ANKS1B: variants seen among roughly 807,000 people sequenced by gnomAD.
ANKS1B encodes ankyrin repeat and sterile alpha motif domain-containing protein 1B.
ANKS1B carries 36 observed loss-of-function variants against 148.3 expected under a neutral mutation model. The ratio of observed to expected loss-of-function variants is 0.24; its 90% CI spans 0.19 to 0.32. The LOEUF (loss-of-function observed/expected upper bound fraction) is 0.32. Among genes scored for constraint, ANKS1B ranks in the 10% least tolerant of loss-of-function variants. The probability of loss-of-function intolerance (pLI) is 1.00; values close to 1 mark genes in which losing one functional copy is unlikely to be tolerated. For synonymous variants in ANKS1B, 542 were observed against 560.8 expected (o/e 0.97, Z 0.47); for missense variants, 1,157 against 1,542.6 (o/e 0.75, Z 4.19).
intron 9 of ANKS1B, among the ~76,000 whole-genome samples, chr12:99,594,119 G>C (rs114699733): frequency 0.015 from 2,317 of 152,006 alleles, 51 homozygotes; most frequent in African/African-American, 0.053. Context: ...CTGCCTCATA[G>C]GGTTGTTATA....
At chr12:99,496,235 A>C (rs574456172) in intron 10 of ANKS1B, among the ~76,000 whole-genome samples, 71 of 152,236 alleles carry the variant, frequency 4.7e-4, no homozygotes, top group Non-Finnish European at 9.1e-4. Context: ...CTTAAAATGG[A>C]AAAATTCCCC....
intron 11 of ANKS1B, among the ~76,000 whole-genome samples, chr12:99,426,009 A>T (rs377069424): frequency 6.6e-6 from 1 of 152,192 alleles, no homozygotes; most frequent in Admixed American, 6.5e-5. Context: ...AAATATTGAC[A>T]GTGTGTGTCT....
chr12:99,362,537 G>A (rs2092544581), intron 12 of ANKS1B, among the ~76,000 whole-genome samples: 1 of 151,934 alleles, frequency 6.6e-6, no homozygotes, highest in Non-Finnish European at 1.5e-5. Flanking sequence ...CAGGTCATAA[G>A]CTTAATTTGA....
rs369020857 is a variant in ANKS1B, at chr12:99,513,944, T to C, written c.1273-9303A>G. Among the ~76,000 whole-genome samples the C allele has an allele frequency of 1.9e-3, 290 of 152,164 alleles. No homozygotes were observed. The Middle Eastern group carries it at 0.034, about 18-fold the overall frequency. On this transcript the variant is annotated intron_variant, in intron 9 of 26. Transcript: ENST00000683438. ...ATTTGATGAGAGAATCATAAAATGC[T>C]AGTCATAGAACACGTTGATTCTTTT... is the stretch of plus-strand genomic sequence containing the variant.
intron 12 of ANKS1B, among the ~76,000 whole-genome samples, chr12:99,398,548 G>A (rs1281030675): frequency 6.6e-6 from 1 of 152,108 alleles, no homozygotes; most frequent in African/African-American, 2.4e-5. Context: ...TATGAATTAG[G>A]TCATTCTTGT....
chr12:98,889,330 G>A (rs2099747060), intron 17 of ANKS1B, among the ~76,000 whole-genome samples: 1 of 151,562 alleles, frequency 6.6e-6, no homozygotes, highest in Non-Finnish European at 1.5e-5. Context: ...TATTCTGAAG[G>A]GAACGTCAGA....
intron 9 of ANKS1B, among the ~76,000 whole-genome samples, chr12:99,608,381 T>TTTG (rs1191563559): frequency 6.6e-6 from 1 of 152,116 alleles, no homozygotes; most frequent in Non-Finnish European, 1.5e-5. Context: ...CACCTGAGGC[T>TTTG]TCTCTTATGT....
chr12:99,316,705 T>C (rs1011118955), intron 12 of ANKS1B, among the ~76,000 whole-genome samples: 1 of 152,198 alleles, frequency 6.6e-6, no homozygotes, highest in Admixed American at 6.5e-5. Flanking sequence ...TGGCTTTTGT[T>C]GCCATTGCTT....
intron 15 of ANKS1B, among the ~76,000 whole-genome samples, chr12:99,148,610 A>G (rs1006742817): frequency 1.4e-4 from 22 of 152,156 alleles, no homozygotes; most frequent in African/African-American, 5.1e-4. Context: ...AACAATTGGA[A>G]AGAACATTTC....
intron 17 of ANKS1B, chr12:98,894,594 G>A (rs1184447339): frequency 2.0e-6 from 2 of 985,254 alleles, no homozygotes; most frequent in Non-Finnish European, 1.2e-6. Context: ...GCGAGCGGGG[G>A]CCGCGGAGCG....
intron 11 of ANKS1B, among the ~76,000 whole-genome samples, chr12:99,423,555 T>C (rs1304490691): frequency 6.6e-6 from 1 of 152,182 alleles, no homozygotes; most frequent in African/African-American, 2.4e-5. Context: ...TGCAGCACTA[T>C]TCACCATAAC....
chr12:99,673,368 C>T (rs929506360), intron 8 of ANKS1B, among the ~76,000 whole-genome samples: 1 of 152,034 alleles, frequency 6.6e-6, no homozygotes, highest in East Asian at 1.9e-4. Flanking sequence ...TAGAAACTGA[C>T]TCTGTTAAGT....
chr12:98,923,723 C>T (rs1461335282), intron 17 of ANKS1B, among the ~76,000 whole-genome samples: 1 of 152,162 alleles, frequency 6.6e-6, no homozygotes, highest in Non-Finnish European at 1.5e-5. Flanking sequence ...GAATTCTCCA[C>T]CTAACTTTGA....
chr12:99,057,483 T>C (rs1229297560), intron 16 of ANKS1B, among the ~76,000 whole-genome samples: 1 of 152,230 alleles, frequency 6.6e-6, no homozygotes, highest in Admixed American at 6.5e-5. Flanking sequence ...TTCTTTATCT[T>C]GTTTTAGAAA....
intron 9 of ANKS1B, among the ~76,000 whole-genome samples, chr12:99,544,763 G>T (rs2097157497): frequency 6.6e-6 from 1 of 152,110 alleles, no homozygotes; most frequent in African/African-American, 2.4e-5. Flanking sequence ...ATATAGGTCT[G>T]AGACTCACCT....
chr12:99,773,376 A>G (rs1205787640), intron 7 of ANKS1B, among the ~76,000 whole-genome samples: 1 of 152,178 alleles, frequency 6.6e-6, no homozygotes, highest in Non-Finnish European at 1.5e-5. Context: ...CAATTCCCAA[A>G]GCTTCACTTA....
chr12:98,829,145 A>T lies in ANKS1B; in HGVS notation c.3066+29T>A. ...AAAGGCATTACCTGATATGGTTGAAAAATATCACAAAGGCTTATAACACCT... is the reference window on the plus strand; with the variant it reads ...AAAGGCATTACCTGATATGGTTGAATAATATCACAAAGGCTTATAACACCT... On this transcript the variant is annotated intron_variant, in intron 19 of 26. Transcript: ENST00000683438. The surrounding 1 kb of genome is among the most constrained non-coding windows in gnomAD (Gnocchi z 5.2). 1 of 1,613,458 alleles carries T rather than the reference A, an allele frequency of 6.2e-7. No individual in the cohort carries two copies. The highest frequency in any genetic ancestry group is 8.5e-7 in the Non-Finnish European group (1 of 1,179,550).
At chr12:99,780,345 G>A (rs928819515) in intron 5 of ANKS1B, among the ~76,000 whole-genome samples, 4 of 151,772 alleles carry the variant, frequency 2.6e-5, no homozygotes, top group Admixed American at 6.6e-5. Context: ...GCGCGATCTC[G>A]GCTCACTGCA....
In ANKS1B at chr12:99,494,252, C is replaced by T. The variant is rs977677300; in HGVS notation, c.1438+10224G>A. 2.0e-5 allele frequency among the ~76,000 whole-genome samples: 3 copies of T among 151,976 alleles called. No individual in the cohort carries two copies. The East Asian group carries it at 5.8e-4, about 29-fold the overall frequency. On this transcript the variant is annotated intron_variant, in intron 10 of 26. Coordinates refer to ENST00000683438, the MANE Select transcript of ANKS1B (RefSeq NM_001352186.2). ...TCCACAGAGTAATGGGGAATAGACA[C>T]CTGACTAAAGTGGGCTGAGAAGTGA...
Sources: allele counts gnomAD v4.1 joint callset (sites outside exome capture counted in the v4.1 genomes callset), GRCh38; gene constraint gnomAD v4.1.1; non-coding constraint Gnocchi (gnomAD v3.1); transcripts MANE v1.5; gene names NCBI Gene and HGNC (gene_info 2026-07-23, HGNC 2026-07-21).